The following ATF7 variants were observed in gnomAD, a reference collection of about 807,000 sequenced individuals.
ATF7 encodes cyclic AMP-dependent transcription factor ATF-7.
In ATF7, 10 loss-of-function variants were observed where a neutral mutation model predicts 50.4. The observed-to-expected ratio is 0.20, with a 90% confidence interval of 0.12 to 0.34. The LOEUF (loss-of-function observed/expected upper bound fraction) is 0.34. Ranked by LOEUF, ATF7 falls within the 10% of genes least tolerant of loss-of-function variation. The probability of loss-of-function intolerance (pLI) is 1.00; values close to 1 mark genes in which losing one functional copy is unlikely to be tolerated. For synonymous variants in ATF7, 201 were observed against 226.4 expected (o/e 0.89, Z 1.01); for missense variants, 465 against 613.9 (o/e 0.76, Z 2.56).
chr12:53,561,780 A>T (rs1449458102), intron 2 of ATF7, among the ~76,000 whole-genome samples: 19 of 152,250 alleles, frequency 1.2e-4, no homozygotes, highest in Admixed American at 1.2e-3. Flanking sequence ...TCCTGCTTTG[A>T]ATGTTTCATG....
Position 53,555,490 on chromosome 12 carries a change from A to ATT in ATF7, c.49-2855_49-2854dup, listed in dbSNP as rs543048867. On this transcript the variant is annotated intron_variant, in intron 2 of 11. Transcript: ENST00000420353. ...AGTTTATAAAGAAGAAAATAATATA[A>ATT]TTTTTTTTTTTTTTTTTTTTTTTTT... is the stretch of plus-strand genomic sequence containing the variant. Among the ~76,000 whole-genome samples the ATT allele has an allele frequency of 5.7e-4, 57 of 100,768 alleles. 4 individuals are homozygous for ATT. The highest frequency in any genetic ancestry group is 1.1e-3 in the South Asian group (3 of 2,612). 66.1% of individuals were successfully genotyped at this position (100,768 alleles called of 152,430 possible).
intron 1 of ATF7, among the ~76,000 whole-genome samples, chr12:53,606,241 G>C (rs1943600737): frequency 6.6e-6 from 1 of 151,548 alleles, no homozygotes; most frequent in African/African-American, 2.4e-5. Context: ...GTATGCAGCA[G>C]AAAGGGCACT....
At chr12:53,556,315 A>G (rs1323046692) in intron 2 of ATF7, among the ~76,000 whole-genome samples, 2 of 152,226 alleles carry the variant, frequency 1.3e-5, no homozygotes, top group Non-Finnish European at 2.9e-5. Context: ...TAGGCTGGGC[A>G]TGGTGGCGCA....
chr12:53,536,142 T>C (rs1939206872), intron 5 of ATF7, among the ~76,000 whole-genome samples: 1 of 152,242 alleles, frequency 6.6e-6, no homozygotes, highest in South Asian at 2.1e-4. Context: ...AGGTAAATGC[T>C]ATCCTGAGTT....
chr12:53,532,007 C>A, intron 8 of ATF7, 111 bp from the exon 9 acceptor site: 1 of 1,218,696 alleles, frequency 8.2e-7, no homozygotes, highest in East Asian at 2.5e-5. Flanking sequence ...AATTTCCACT[C>A]TAGTTCTCCC....
At chr12:53,542,107 G>GT (rs1199418506) in intron 4 of ATF7, among the ~76,000 whole-genome samples, 1,657 of 101,452 alleles carry the variant, frequency 0.016, 44 homozygotes, top group African/African-American at 0.025. Context: ...CGCCTGGCCT[G>GT]TTTTTTTTTT....
rs1938997362 is a variant in ATF7, at chr12:53,532,999, A to C, written c.660+161T>G. Among the ~76,000 whole-genome samples the C allele has an allele frequency of 2.0e-5, 3 of 152,186 alleles. No homozygotes were observed. In the South Asian group the frequency reaches 6.2e-4, roughly 31 times the overall value. ...TTTATCTAGTGTTCCATAGTGCTGG[A>C]TTGGCAGAGGTTAGTGAAGAGTTTA... On this transcript the variant is annotated intron_variant, in intron 7 of 11. Coordinates refer to ENST00000420353, the MANE Select transcript of ATF7 (RefSeq NM_006856.3).
chr12:53,610,558 C>A (rs1017400480), intron 1 of ATF7, among the ~76,000 whole-genome samples: 2 of 133,430 alleles, frequency 1.5e-5, no homozygotes, highest in Admixed American at 8.1e-5. Context: ...GAGTGAGACT[C>A]TGTCTCAAAA....
At position 53,537,484 on chromosome 12, in the gene ATF7, T is replaced by G. The variant is rs201312981; in HGVS notation, c.333A>C (p.Pro111=). The G allele has an allele frequency of 9.7e-4, 1,565 of 1,613,768 alleles. 7 individuals are homozygous for G. The highest frequency in any genetic ancestry group is 6.8e-4 in the Non-Finnish European group (798 of 1,179,852). Residue 111 remains proline, a synonymous_variant, in exon 5 of 12, where the codon CCA becomes CCC. Transcript: ENST00000420353. ...TPDIKIKEEE[P]VEVDSSPPDS... is the part of the protein sequence containing the mutation. The stretch of plus-strand genomic sequence containing the variant: ...CAGGTGGGGATGAGTCTACCTCCAC[T>G]GGCTCTTCTTCTTTGATTTTGATGT...
At position 53,516,710 on chromosome 12, in the gene ATF7, A is replaced by C. The variant is rs1466385176; in HGVS notation, c.*427T>G. 1.1e-5 allele frequency: 2 copies of C among 188,692 alleles called. No homozygotes were observed. The highest frequency in any genetic ancestry group is 2.5e-4 in the East Asian group (2 of 8,154). The allele number at this position is 188,692 out of a possible 1,614,324, so 11.7% of individuals were successfully genotyped here. ...ATGTCATCAAATCTAGCCTCCCTCT[A>C]TCTGGCAGGAAGTGGCATGCTGGTA... On this transcript the variant is annotated 3_prime_UTR_variant, in exon 12 of 12. Coordinates refer to ENST00000420353, the MANE Select transcript of ATF7 (RefSeq NM_006856.3).
chr12:53,578,474 G>A (rs1411441189), intron 2 of ATF7, among the ~76,000 whole-genome samples: 7 of 150,872 alleles, frequency 4.6e-5, no homozygotes, highest in Admixed American at 2.6e-4. Flanking sequence ...AATCTTAAAA[G>A]AAGTTCTTTA....
At chr12:53,563,207 A>C (rs1941251291) in intron 2 of ATF7, among the ~76,000 whole-genome samples, 1 of 152,158 alleles carries the variant, frequency 6.6e-6, no homozygotes, top group Non-Finnish European at 1.5e-5. Context: ...TAATGACTCC[A>C]ATCTTCAGTG....
intron 2 of ATF7, among the ~76,000 whole-genome samples, chr12:53,561,604 A>G (rs558770751): frequency 4.1e-4 from 62 of 152,194 alleles, no homozygotes; most frequent in Non-Finnish European, 6.2e-4. Flanking sequence ...AAGGGAGAAG[A>G]AGGAAGGGAT....
chr12:53,587,843 A>ATATATATATATATATATT, intron 2 of ATF7, among the ~76,000 whole-genome samples: 84 of 61,532 alleles, frequency 1.4e-3, no homozygotes, highest in Non-Finnish European at 1.7e-3. Flanking sequence ...ATATATATAT[A>ATATATATATATATATATT]TTTTTTTTTT....
chr12:53,561,264 T>C (rs1226017724), intron 2 of ATF7, among the ~76,000 whole-genome samples: 1 of 145,206 alleles, frequency 6.9e-6, no homozygotes, highest in Non-Finnish European at 1.5e-5. Flanking sequence ...GGAAATAGTA[T>C]GAAAAAGTCA....
chr12:53,512,340 T>A lies in ATF7; in HGVS notation c.*4797A>T. On this transcript the variant is annotated 3_prime_UTR_variant, in exon 12 of 12. Coordinates refer to ENST00000420353, the MANE Select transcript of ATF7 (RefSeq NM_006856.3). The stretch of plus-strand genomic sequence containing the variant: ...CAAAATAGCCTGCAGCACTGCATCC[T>A]CCTACCTGTCAAAGGCCACCACTGG... 1 of 152,232 alleles carries A rather than the reference T, an allele frequency of 6.6e-6. No homozygotes were observed. Among genetic ancestry groups the A allele is most frequent in the East Asian group, 1.9e-4 (1 of 5,202 alleles). 9.4% of individuals were successfully genotyped at this position (152,232 alleles called of 1,614,324 possible).
intron 2 of ATF7, among the ~76,000 whole-genome samples, chr12:53,569,737 C>T (rs1266986781): frequency 6.6e-6 from 1 of 151,616 alleles, no homozygotes; most frequent in Admixed American, 6.6e-5. Context: ...TGCAGTGGTG[C>T]AATCTCAGCT....
chr12:53,564,259 C>T (rs76323371), intron 2 of ATF7, among the ~76,000 whole-genome samples: 5,559 of 152,210 alleles, frequency 0.037, 207 homozygotes, highest in East Asian at 0.19. Flanking sequence ...CCTGATAATC[C>T]CAGTTACTTG....
At chr12:53,587,604 T>C (rs556661510) in intron 2 of ATF7, among the ~76,000 whole-genome samples, 4 of 149,272 alleles carry the variant, frequency 2.7e-5, no homozygotes, top group Middle Eastern at 3.5e-3. Context: ...GAGGCAGAGG[T>C]TGCAGTGAGT....
Sources: allele counts gnomAD v4.1 joint callset (sites outside exome capture counted in the v4.1 genomes callset), GRCh38; gene constraint gnomAD v4.1.1; transcripts MANE v1.5; gene names NCBI Gene and HGNC (gene_info 2026-07-23, HGNC 2026-07-21).